PRIM2: variants seen among roughly 807,000 people sequenced by gnomAD.
PRIM2 encodes the protein DNA primase subunit 2.
PRIM2 carries 39 observed loss-of-function variants against 67.3 expected under a neutral mutation model. That is an observed-to-expected ratio of 0.58 (90% CI 0.45 to 0.76). The LOEUF is 0.76. Among genes scored for constraint, PRIM2 ranks in the 30% least tolerant of loss-of-function variants. The pLI is 0.00. For missense variants in PRIM2, 398 were observed against 598.7 expected (o/e 0.66, Z 3.50); for synonymous variants, 143 against 198.7 (o/e 0.72, Z 2.36).
chr6:57,238,239 C>A, the PRIM2 span, among the ~76,000 whole-genome samples: 4 of 152,326 alleles, frequency 2.6e-5, no homozygotes, highest in South Asian at 8.3e-4. Flanking sequence ...GAACTCTCCA[C>A]CCCAAATCAA....
At chr6:57,330,162 G>T (rs1466833424) in intron 5 of PRIM2, among the ~76,000 whole-genome samples, 1 of 151,084 alleles carries the variant, frequency 6.6e-6, no homozygotes, top group African/African-American at 2.5e-5. Context: ...TATTTATTTA[G>T]ATCTTCTTTA....
intron 10 of PRIM2, among the ~76,000 whole-genome samples, chr6:57,589,004 C>T (rs1391258100): frequency 4.6e-5 from 7 of 152,104 alleles, no homozygotes; most frequent in Non-Finnish European, 1.0e-4. Flanking sequence ...TGATGGATGG[C>T]TCCTAGTAAT....
intron 5 of PRIM2, among the ~76,000 whole-genome samples, chr6:57,358,033 A>T (rs1300680307): frequency 6.6e-6 from 1 of 152,214 alleles, no homozygotes; most frequent in African/African-American, 2.4e-5. Flanking sequence ...TACTTAATGT[A>T]TGTTGGTTGA....
chr6:57,246,768 C>A, the PRIM2 span, among the ~76,000 whole-genome samples: 1 of 152,116 alleles, frequency 6.6e-6, no homozygotes, highest in Non-Finnish European at 1.5e-5. Context: ...CTGCTGCCTG[C>A]TGATTCTCTC....
Position 57,510,638 on chromosome 6 carries a change from T to TTTATTA in PRIM2, c.761+3197_761+3202dup, listed in dbSNP as rs1308735790. Among the ~76,000 whole-genome samples the TTTATTA allele has an allele frequency of 6.4e-4, 97 of 151,962 alleles. 2 individuals are homozygous for TTTATTA. The East Asian group carries it at 0.016, about 25-fold the overall frequency. ...TGTAATGTGCACCCACTGCTGTTGC[T>TTTATTA]TTATTATTATTATTATTAAACAAAA... is the stretch of plus-strand genomic sequence containing the variant. On this transcript the variant is annotated intron_variant, in intron 8 of 13. Transcript: ENST00000615550.
At chr6:57,257,382 C>A in the PRIM2 span, among the ~76,000 whole-genome samples, 1 of 151,988 alleles carries the variant, frequency 6.6e-6, no homozygotes, top group African/African-American at 2.4e-5. Flanking sequence ...AGCGATTCTC[C>A]TGCCTCAGGC....
At chr6:57,287,266 C>T in the PRIM2 span, among the ~76,000 whole-genome samples, 80 of 152,166 alleles carry the variant, frequency 5.3e-4, 1 homozygote, top group South Asian at 0.016. Flanking sequence ...GGGTACATAC[C>T]CAAAGGATTG....
intron 8 of PRIM2, among the ~76,000 whole-genome samples, chr6:57,510,876 G>T (rs1206248314): frequency 3.3e-5 from 5 of 151,984 alleles, no homozygotes; most frequent in African/African-American, 1.2e-4. Context: ...TGGCTTGAGA[G>T]ATTTTAATAA....
At chr6:57,596,853 T>C (rs1317698831) in intron 10 of PRIM2, among the ~76,000 whole-genome samples, 2 of 152,164 alleles carry the variant, frequency 1.3e-5, no homozygotes, top group African/African-American at 4.8e-5. Flanking sequence ...GTTGTTGTTG[T>C]TACAGTGAAG....
At chr6:57,350,716 G>A (rs1768832625) in intron 5 of PRIM2, among the ~76,000 whole-genome samples, 1 of 152,032 alleles carries the variant, frequency 6.6e-6, no homozygotes, top group South Asian at 2.1e-4. Flanking sequence ...GTGCCGCGTG[G>A]TTCTTTCTTC....
chr6:57,393,386 T>C (rs1770422197), intron 7 of PRIM2, among the ~76,000 whole-genome samples: 1 of 152,200 alleles, frequency 6.6e-6, no homozygotes, highest in South Asian at 2.1e-4. Context: ...TAGTTTTAAT[T>C]TGCATTTCCC....
At chr6:57,396,096 G>T (rs1770505839) in intron 7 of PRIM2, among the ~76,000 whole-genome samples, 1 of 152,190 alleles carries the variant, frequency 6.6e-6, no homozygotes, top group East Asian at 1.9e-4. Context: ...CTTGGAGAAG[G>T]TTCTATGTGC....
the PRIM2 span, among the ~76,000 whole-genome samples, chr6:57,264,504 T>C: frequency 6.6e-6 from 1 of 151,858 alleles, no homozygotes; most frequent in Non-Finnish European, 1.5e-5. Flanking sequence ...GCCAGCCCCA[T>C]CATTTTATCA....
intron 12 of PRIM2, among the ~76,000 whole-genome samples, chr6:57,621,104 G>A (rs1382673190): frequency 6.6e-6 from 1 of 151,986 alleles, no homozygotes; most frequent in African/African-American, 2.4e-5. Flanking sequence ...AGTCTGTTTT[G>A]TGCTGCTATA....
chr6:57,638,575 GCAAAAAAA>G (rs1777164844), intron 13 of PRIM2, among the ~76,000 whole-genome samples: 1 of 12,124 alleles, frequency 8.2e-5, no homozygotes, highest in African/African-American at 4.2e-4. Context: ...CAAACAGAAA[GCAAAAAAA>G]AAAAAAAAAA....
chr6:57,603,257 TTC>T (rs1435302296), intron 11 of PRIM2, among the ~76,000 whole-genome samples: 1 of 152,244 alleles, frequency 6.6e-6, no homozygotes, highest in Non-Finnish European at 1.5e-5. Context: ...TTTCAGAAGT[TTC>T]TGTTTGTCAT....
At chr6:57,282,205 T>G in the PRIM2 span, among the ~76,000 whole-genome samples, 1 of 152,208 alleles carries the variant, frequency 6.6e-6, no homozygotes, top group Non-Finnish European at 1.5e-5. Context: ...TATTTCTTAT[T>G]ATTTTGTATA....
chr6:57,537,868 G>C (rs1775031827), intron 10 of PRIM2, among the ~76,000 whole-genome samples: 1 of 152,080 alleles, frequency 6.6e-6, no homozygotes, highest in Non-Finnish European at 1.5e-5. Flanking sequence ...GACTGAAATT[G>C]CTTTCAGAGT....
chr6:57,295,354 A>C, the PRIM2 span, among the ~76,000 whole-genome samples: 1 of 152,190 alleles, frequency 6.6e-6, no homozygotes. Context: ...ATAAAAAAAA[A>C]AATTTGATTG....
Sources: allele counts gnomAD v4.1 joint callset (sites outside exome capture counted in the v4.1 genomes callset), GRCh38; gene constraint gnomAD v4.1.1; transcripts MANE v1.5; gene names NCBI Gene and HGNC (gene_info 2026-07-23, HGNC 2026-07-21).